PDE3A: variants seen among roughly 807,000 people sequenced by gnomAD.
PDE3A encodes phosphodiesterase 3A.
A neutral mutation model predicts 98.3 loss-of-function variants in PDE3A; 43 were observed. The ratio of observed to expected loss-of-function variants is 0.44; its 90% CI spans 0.34 to 0.56. The LOEUF (loss-of-function observed/expected upper bound fraction) is 0.56. Among genes scored for constraint, PDE3A ranks in the 20% least tolerant of loss-of-function variants. PDE3A has a pLI of 0.01. For synonymous variants in PDE3A, 663 were observed against 567.9 expected (o/e 1.17, Z -2.38); for missense variants, 1,427 against 1,440.7 (o/e 0.99, Z 0.15).
chr12:20,553,182 A>T (rs1942265574), intron 1 of PDE3A, among the ~76,000 whole-genome samples: 3 of 144,858 alleles, frequency 2.1e-5, no homozygotes, highest in African/African-American at 2.6e-5. Context: ...AAATCTATAC[A>T]TTTTCAGGAA....
At chr12:20,487,400 A>G (rs987502557) in intron 1 of PDE3A, among the ~76,000 whole-genome samples, 7 of 148,542 alleles carry the variant, frequency 4.7e-5, no homozygotes, top group Middle Eastern at 3.5e-3. Flanking sequence ...ACGGTGGCTC[A>G]TGCCTGTAAT....
chr12:20,522,520 G>A (rs997911250), intron 1 of PDE3A, among the ~76,000 whole-genome samples: 2 of 152,148 alleles, frequency 1.3e-5, no homozygotes, highest in South Asian at 4.1e-4. Flanking sequence ...GAAAGAAGAT[G>A]GACAGTGTAA....
chr12:20,614,423 T>G (rs1398705293), intron 3 of PDE3A, among the ~76,000 whole-genome samples: 2 of 151,702 alleles, frequency 1.3e-5, no homozygotes, highest in Non-Finnish European at 3.0e-5. Flanking sequence ...AGTTATTTAT[T>G]TAGTAAACAA....
intron 1 of PDE3A, among the ~76,000 whole-genome samples, chr12:20,457,690 G>C (rs965908940): frequency 2.6e-5 from 4 of 151,396 alleles, no homozygotes; most frequent in Non-Finnish European, 5.9e-5. Context: ...ACTTTTGGTA[G>C]GTTAAAAGTA....
chr12:20,544,502 T>C (rs1156779239), intron 1 of PDE3A, among the ~76,000 whole-genome samples: 1 of 151,962 alleles, frequency 6.6e-6, no homozygotes, highest in Non-Finnish European at 1.5e-5. Flanking sequence ...ACCCATCATA[T>C]TAACTATAAC....
At chr12:20,420,886 T>C (rs891951646) in intron 1 of PDE3A, among the ~76,000 whole-genome samples, 1 of 152,282 alleles carries the variant, frequency 6.6e-6, no homozygotes, top group Admixed American at 6.5e-5. Flanking sequence ...ATGTTCTAAA[T>C]CTGGTAGGCC....
At chr12:20,597,809 T>G (rs181950655) in intron 2 of PDE3A, among the ~76,000 whole-genome samples, 1 of 152,348 alleles carries the variant, frequency 6.6e-6, no homozygotes, top group East Asian at 1.9e-4. Flanking sequence ...TCTGTAGCCC[T>G]AAGGTGTAGA....
intron 6 of PDE3A, among the ~76,000 whole-genome samples, chr12:20,633,190 G>A (rs867513234): frequency 6.6e-6 from 1 of 152,028 alleles, no homozygotes; most frequent in Non-Finnish European, 1.5e-5. Context: ...ACCTCAGGTG[G>A]TCCACCTGCC....
intron 2 of PDE3A, among the ~76,000 whole-genome samples, chr12:20,585,168 T>G (rs971057883): frequency 1.3e-5 from 2 of 152,210 alleles, no homozygotes; most frequent in African/African-American, 4.8e-5. Flanking sequence ...AGTTGCCAAG[T>G]GACAGGTGTT....
intron 4 of PDE3A, among the ~76,000 whole-genome samples, chr12:20,617,603 A>G (rs925721860): frequency 6.6e-6 from 1 of 152,166 alleles, no homozygotes; most frequent in Admixed American, 6.5e-5. Flanking sequence ...TAATAGTATT[A>G]TAGTTAACTA....
intron 1 of PDE3A, among the ~76,000 whole-genome samples, chr12:20,373,453 T>G (rs186420042): frequency 1.3e-5 from 2 of 152,276 alleles, no homozygotes; most frequent in African/African-American, 4.8e-5. Context: ...CAATGTAAAA[T>G]TTTAATTTTG....
At chr12:20,460,826 C>G (rs1022634539) in intron 1 of PDE3A, among the ~76,000 whole-genome samples, 1 of 152,134 alleles carries the variant, frequency 6.6e-6, no homozygotes, top group Admixed American at 6.6e-5. Flanking sequence ...CCCTGCTCCC[C>G]CCTTTTCATG....
At chr12:20,601,086 A>G (rs1295131450) in intron 2 of PDE3A, among the ~76,000 whole-genome samples, 2 of 152,186 alleles carry the variant, frequency 1.3e-5, no homozygotes, top group African/African-American at 4.8e-5. Flanking sequence ...TTTGAGCCTG[A>G]AGGAGGAAGA....
chr12:20,491,898 A>C (rs1476805333), intron 1 of PDE3A, among the ~76,000 whole-genome samples: 1 of 152,156 alleles, frequency 6.6e-6, no homozygotes, highest in East Asian at 1.9e-4. Context: ...TAAAATTCAA[A>C]TGTTGTAGAA....
At chr12:20,584,990 C>T (rs1304917572) in intron 2 of PDE3A, among the ~76,000 whole-genome samples, 2 of 152,134 alleles carry the variant, frequency 1.3e-5, no homozygotes, top group Non-Finnish European at 2.9e-5. Flanking sequence ...ATAGAAAATA[C>T]GTTAGAACTT....
intron 14 of PDE3A, among the ~76,000 whole-genome samples, chr12:20,653,374 T>A (rs977929440): frequency 8.2e-6 from 1 of 122,638 alleles, no homozygotes; most frequent in African/African-American, 3.3e-5. Flanking sequence ...CACTATTGCA[T>A]TTTTTTTTTT....
intron 1 of PDE3A, among the ~76,000 whole-genome samples, chr12:20,416,694 GA>G (rs1240141307): frequency 6.6e-6 from 1 of 152,078 alleles, no homozygotes; most frequent in East Asian, 1.9e-4. Context: ...AAGCCCTCAA[GA>G]AATTATGAAA....
chr12:20,582,493 A>G (rs1021924149), intron 2 of PDE3A, among the ~76,000 whole-genome samples: 2 of 152,178 alleles, frequency 1.3e-5, no homozygotes, highest in Non-Finnish European at 1.5e-5. Flanking sequence ...GATGGAAATA[A>G]CACATGCTGC....
At chr12:20,679,894 AATAT>A (rs1425598772) in intron 15 of PDE3A, 132 bp from the exon 16 acceptor site, 1 of 63,084 alleles carries the variant, frequency 1.6e-5, no homozygotes, top group African/African-American at 7.7e-5. Context: ...TATATATAAT[AATAT>A]ATATATAATA....
Sources: allele counts gnomAD v4.1 joint callset (sites outside exome capture counted in the v4.1 genomes callset), GRCh38; gene constraint gnomAD v4.1.1; transcripts MANE v1.5; gene names NCBI Gene and HGNC (gene_info 2026-07-23, HGNC 2026-07-21).